The following AAK1 variants were observed in gnomAD, a reference collection of about 807,000 sequenced individuals.
AAK1 encodes the protein AP2-associated protein kinase 1.
A neutral mutation model predicts 116.0 loss-of-function variants in AAK1; 37 were observed. The ratio of observed to expected loss-of-function variants is 0.32; its 90% CI spans 0.25 to 0.42. The LOEUF (loss-of-function observed/expected upper bound fraction) is 0.42. Ranked by LOEUF, AAK1 falls within the 10% of genes least tolerant of loss-of-function variation. The probability of loss-of-function intolerance (pLI) is 1.00; values close to 1 mark genes in which losing one functional copy is unlikely to be tolerated. For missense variants in AAK1, 919 were observed against 1,170.6 expected, an observed-to-expected ratio of 0.79 and a Z score of 3.14; for synonymous variants, 458 against 439.9, an observed-to-expected ratio of 1.04 and a Z score of -0.51.
intron 2 of AAK1, among the ~76,000 whole-genome samples, chr2:69,565,162 C>G (rs1269505369): frequency 6.6e-6 from 1 of 152,166 alleles, no homozygotes; most frequent in African/African-American, 2.4e-5. Flanking sequence ...GGGCCGGTGG[C>G]CCTGAGAAAG....
chr2:69,481,701 G>A (rs904743620), intron 18 of AAK1: 4 of 152,382 alleles, frequency 2.6e-5, no homozygotes, highest in African/African-American at 9.6e-5. Flanking sequence ...AGGAAAATGT[G>A]AGAGAGGAAG....
chr2:69,626,682 T>TTTTTAA (rs1674917297), intron 2 of AAK1, among the ~76,000 whole-genome samples: 1 of 147,064 alleles, frequency 6.8e-6, no homozygotes, highest in East Asian at 2.0e-4. Context: ...TTTTTTTTTG[T>TTTTTAA]AGAGACAGGG....
chr2:69,492,515 A>ACTCTTTT (rs1675565834), intron 17 of AAK1, among the ~76,000 whole-genome samples: 1 of 78,838 alleles, frequency 1.3e-5, no homozygotes, highest in African/African-American at 5.9e-5. Context: ...TGCCTGGCCA[A>ACTCTTTT]TTCTTTTTTT....
Position 69,495,982 on chromosome 2 carries a change from T to A in AAK1, c.2365+3A>T. 6.4e-7 allele frequency: 1 copy of A among 1,552,218 alleles called. No individual in the cohort carries two copies. The highest frequency in any genetic ancestry group is 2.4e-5 in the East Asian group (1 of 41,004). On this transcript the variant is annotated splice_donor_region_variant and intron_variant, in intron 17 of 21. Transcript: ENST00000409085. ...TAACCTCAGAACAGTTCTGTTCACC[T>A]ACCTGGTGCATCAGGTACTTGAAGA...
rs968614824 is a variant in AAK1, at chr2:69,458,471, A to G, written c.*17398T>C. The G allele has an allele frequency of 6.6e-6, 1 of 152,664 alleles. No homozygotes were observed. The highest frequency in any genetic ancestry group is 1.5e-5 in the Non-Finnish European group (1 of 68,048). 9.5% of individuals were successfully genotyped at this position (152,664 alleles called of 1,614,324 possible). A position where few individuals can be genotyped will look rare whatever the true frequency, so the allele number is the denominator to read the frequency against. ...CATGAGCCCTCAGGGTGAGCCCTAC[A>G]GAGTTTCATCCTTGTGGATAAGAAG... On this transcript the variant is annotated 3_prime_UTR_variant, in exon 22 of 22. Coordinates refer to ENST00000409085, the MANE Select transcript of AAK1 (RefSeq NM_014911.5).
chr2:69,544,871 G>C (rs928456790), intron 3 of AAK1, among the ~76,000 whole-genome samples: 3 of 152,300 alleles, frequency 2.0e-5, no homozygotes, highest in African/African-American at 7.2e-5. Flanking sequence ...AAACACTGCA[G>C]GGGGTAAAGA....
rs1674541602 is a variant in AAK1, at chr2:69,467,878, T to C, written c.*7991A>G. ...AGAGAGGTCTGAACATTTTATAAGA[T>C]ACTGTACAAAAATACTATGTTTCTC... On this transcript the variant is annotated 3_prime_UTR_variant, in exon 22 of 22. Coordinates refer to ENST00000409085, the MANE Select transcript of AAK1 (RefSeq NM_014911.5). The C allele has an allele frequency of 1.4e-5, 14 of 985,350 alleles. No homozygotes were observed. The highest frequency in any genetic ancestry group is 1.7e-5 in the Non-Finnish European group (14 of 829,822). The allele number at this position is 985,350 out of a possible 1,614,324, so 61.0% of individuals were successfully genotyped here. A position where few individuals can be genotyped will look rare whatever the true frequency, so the allele number is the denominator to read the frequency against.
At chr2:69,479,166 T>TATGAGAC in intron 19 of AAK1, 105 bp from the exon 20 acceptor site, 1 of 810,468 alleles carries the variant, frequency 1.2e-6, no homozygotes. Flanking sequence ...CATTTACACG[T>TATGAGAC]TACACATAAA....
In AAK1 at chr2:69,530,673, C is replaced by T. The variant is rs1456521462; in HGVS notation, c.690G>A (p.Met230Ile). 6 of 1,613,590 alleles carry T rather than the reference C, an allele frequency of 3.7e-6. No individual in the cohort carries two copies. Among genetic ancestry groups the T allele is most frequent in the South Asian group, 1.1e-5 (1 of 91,064 alleles). ...TGATTTTGCCACTGTACAGGTTGAC[C>T]ATTTCTGGTGCTCGATAGGACAGCG... is the stretch of plus-strand genomic sequence containing the variant. ...YTTLSYRAPE[M>I]VNLYSGKIIT... The change falls in exon 7 of 22, where the codon ATG becomes ATA. Residue 230 changes from methionine to isoleucine, a missense_variant. Around this residue, in one of 4 missense-constraint regions of AAK1, gnomAD observed 317 missense variants for 490.4 expected, o/e 0.65. Transcript: ENST00000409085.
At chr2:69,565,113 G>GAC (rs1671809463) in intron 2 of AAK1, among the ~76,000 whole-genome samples, 2 of 152,234 alleles carry the variant, frequency 1.3e-5, no homozygotes, top group Admixed American at 1.3e-4. Context: ...GGTGTGTGAT[G>GAC]ACACAGACTC....
At chr2:69,480,767 A>T (rs1675056203) in intron 19 of AAK1, 93 bp downstream of exon 19, 1 of 1,071,438 alleles carries the variant, frequency 9.3e-7, no homozygotes, top group Admixed American at 2.8e-5. Flanking sequence ...GGGCTTCAAA[A>T]TAAGCCCAGG....
intron 17 of AAK1, among the ~76,000 whole-genome samples, chr2:69,490,954 G>A (rs1675498401): frequency 7.0e-6 from 1 of 142,700 alleles, no homozygotes; most frequent in South Asian, 2.3e-4. Flanking sequence ...CACTTTTTAA[G>A]AGACAGGGTC....
rs561912615 is a variant in AAK1 at position 69,469,301 on chromosome 2, A to G, written c.*6568T>C. 4.3e-5 allele frequency: 42 copies of G among 985,478 alleles called. No homozygotes were observed. In the African/African-American group the frequency reaches 7.0e-4, roughly 16 times the overall value. 61.0% of individuals were successfully genotyped at this position (985,478 alleles called of 1,614,324 possible). ...TCCCTTAAGGAATTCTGGTGGTGGC[A>G]GCACCAGAAACAAGGTAGTCGAGAG... On this transcript the variant is annotated 3_prime_UTR_variant, in exon 22 of 22. Coordinates refer to ENST00000409085, the MANE Select transcript of AAK1 (RefSeq NM_014911.5).
chr2:69,466,019 C>G lies in AAK1; in HGVS notation c.*9850G>C. On this transcript the variant is annotated 3_prime_UTR_variant, in exon 22 of 22. Transcript: ENST00000409085. ...TCAAAAACACGTCTGACTCCTCTGG[C>G]TGGGAAGGAGCCATACTGCTCTTGG... The G allele has an allele frequency of 1.5e-6, 2 of 1,290,926 alleles. No homozygotes were observed. Among genetic ancestry groups the G allele is most frequent in the Non-Finnish European group, 2.0e-6 (2 of 988,880 alleles). The allele number at this position is 1,290,926 out of a possible 1,614,324, so 80.0% of individuals were successfully genotyped here.
At chr2:69,544,210 A>C in intron 4 of AAK1, 1 of 479,146 alleles carries the variant, frequency 2.1e-6, no homozygotes, top group Non-Finnish European at 3.7e-6. Context: ...ATATACAAAC[A>C]CCAAACCTTC....
rs1676154746 is a variant in AAK1, at chr2:69,505,619, T to C, written c.2219A>G (p.Gln740Arg). The C allele has an allele frequency of 6.2e-7, 1 of 1,613,636 alleles. No individual in the cohort carries two copies. The highest frequency in any genetic ancestry group is 1.3e-5 in the African/African-American group (1 of 74,898). ...GSAESLIPGFQSTQGDAFATT... is the reference protein window; with the variant it reads ...GSAESLIPGFRSTQGDAFATT... ...AGCAAAAGCATCACCTTGGGTTGAT[T>C]GAAAGCCTGGGATCAAACTCTCAGC... Residue 740 changes from glutamine (Q) to arginine (R), a missense_variant, in exon 16 of 22, where the codon CAA (glutamine) becomes CGA (arginine). Gln to Arg is a conservative substitution (Grantham distance 43). Coordinates refer to ENST00000409085, the MANE Select transcript of AAK1 (RefSeq NM_014911.5).
intron 11 of AAK1, among the ~76,000 whole-genome samples, chr2:69,519,723 A>G (rs1053982689): frequency 6.6e-6 from 1 of 152,230 alleles, no homozygotes. Context: ...GATATTTTGG[A>G]TCAATCCTTT....
At chr2:69,615,884 G>A (rs1041285198) in intron 2 of AAK1, among the ~76,000 whole-genome samples, 18 of 152,218 alleles carry the variant, frequency 1.2e-4, no homozygotes, top group African/African-American at 4.3e-4. Flanking sequence ...AAATGTGTTT[G>A]TGGAATGACA....
At position 69,476,922 on chromosome 2, in the gene AAK1, C is replaced by G; in HGVS notation, c.2749G>C (p.Glu917Gln). ...PEGSDKVAED[E>Q]FDPIPVLITK... ...ATCAATACAGGAATAGGGTCAAACT[C>G]ATCTTCAGCCACCTTGTCCGAGCCC... Residue 917 changes from glutamate (E) to glutamine (Q), a missense_variant, in exon 21 of 22, where the codon GAG becomes CAG. By Grantham distance (29) the Glu-to-Gln change is conservative. Transcript: ENST00000409085. The G allele has an allele frequency of 6.2e-7, 1 of 1,613,734 alleles. No homozygotes were observed. Among genetic ancestry groups the G allele is most frequent in the Non-Finnish European group, 8.5e-7 (1 of 1,179,804 alleles).
Sources: gnomAD v4.1 joint callset for allele counts (sites outside exome capture counted in the v4.1 genomes callset) on GRCh38, gnomAD v4.1.1 for gene constraint, gnomAD v4.1.1 regional missense constraint, MANE v1.5 for transcripts, NCBI Gene and HGNC (gene_info 2026-07-23, HGNC 2026-07-21) for gene names.